Variants in ATP13A4 observed in about 807,000 individuals in gnomAD.
ATP13A4 encodes the protein probable cation-transporting ATPase 13A4.
Under a neutral mutation model 142.5 loss-of-function variants are expected in ATP13A4, and 114 were observed. That is an observed-to-expected ratio of 0.80 (90% CI 0.69 to 0.93). The LOEUF is 0.93. ATP13A4 is among the 40% of genes least tolerant of loss of function. The pLI is 0.00. For missense variants in ATP13A4, 1,392 were observed against 1,454.0 expected (o/e 0.96, Z 0.69); for synonymous variants, 488 against 514.8 (o/e 0.95, Z 0.70).
At chr3:193,589,832 G>A (rs1225078103) in intron 1 of ATP13A4, among the ~76,000 whole-genome samples, 1 of 151,998 alleles carries the variant, frequency 6.6e-6, no homozygotes, top group South Asian at 2.1e-4. Flanking sequence ...AAATATTTTC[G>A]TGGGTTAGGC....
intron 8 of ATP13A4, among the ~76,000 whole-genome samples, chr3:193,474,706 G>C (rs1718852547): frequency 7.5e-6 from 1 of 133,652 alleles, no homozygotes; most frequent in South Asian, 2.5e-4. Flanking sequence ...AAAAAGGAAG[G>C]AAGGAAAGAG....
At chr3:193,466,502 G>A (rs950840882) in intron 10 of ATP13A4, among the ~76,000 whole-genome samples, 1 of 152,222 alleles carries the variant, frequency 6.6e-6, no homozygotes, top group South Asian at 2.1e-4. Context: ...ACGTGTGCAC[G>A]CACACACATG....
intron 2 of ATP13A4, among the ~76,000 whole-genome samples, chr3:193,512,049 C>G (rs1721168404): frequency 6.6e-6 from 1 of 152,104 alleles, no homozygotes; most frequent in Admixed American, 6.6e-5. Context: ...GCCAGCACCT[C>G]AGAGAGCACG....
chr3:193,484,908 C>A (rs1719514815), intron 7 of ATP13A4, among the ~76,000 whole-genome samples: 1 of 151,882 alleles, frequency 6.6e-6, no homozygotes, highest in African/African-American at 2.4e-5. Flanking sequence ...ACTTTTGGAT[C>A]ATTTATAGCA....
intron 13 of ATP13A4, 102 bp downstream of exon 13, chr3:193,462,660 G>A: frequency 8.6e-7 from 1 of 1,157,732 alleles, no homozygotes; most frequent in Non-Finnish European, 1.3e-6. Context: ...GTCCACCAAA[G>A]CCAAAGTCCA....
intron 28 of ATP13A4, among the ~76,000 whole-genome samples, chr3:193,407,827 C>A (rs772874121): frequency 6.6e-6 from 1 of 152,206 alleles, no homozygotes; most frequent in African/African-American, 2.4e-5. Context: ...CATGTCAAAC[C>A]TTCACAACTG....
At chr3:193,484,645 T>A (rs531402357) in intron 7 of ATP13A4, among the ~76,000 whole-genome samples, 1 of 152,302 alleles carries the variant, frequency 6.6e-6, no homozygotes, top group East Asian at 1.9e-4. Context: ...GTTCTAAAAA[T>A]GATTAACAGA....
At position 193,554,672 on chromosome 3, in the gene ATP13A4, G is replaced by C; in HGVS notation, c.60+68C>G. On this transcript the variant is annotated intron_variant, in intron 1 of 29. Coordinates refer to ENST00000342695, the MANE Select transcript of ATP13A4 (RefSeq NM_032279.4). The stretch of plus-strand genomic sequence containing the variant: ...TGCGTGCGTGTGTGTGTGTGTGTGT[G>C]TGTGTGTGTGTGTGTCTCGCAGGCT... 11 of 1,463,822 alleles carry C rather than the reference G, an allele frequency of 7.5e-6. 1 individual carries two copies. The highest frequency in any genetic ancestry group is 1.1e-5 in the Non-Finnish European group (11 of 1,044,164). 90.7% of individuals were successfully genotyped at this position (1,463,822 alleles called of 1,614,324 possible).
rs1429855166 is a variant in ATP13A4, at chr3:193,440,081, G to A, written c.2519+477C>T. On this transcript the variant is annotated intron_variant, in intron 21 of 29. Coordinates refer to ENST00000342695, the MANE Select transcript of ATP13A4 (RefSeq NM_032279.4). ...TGTGTTAGAAGAGAATGATTTTTCT[G>A]ATTTAGGGTGGAAAAATGCTTTGGC... is the stretch of plus-strand genomic sequence containing the variant. 2.2e-5 allele frequency: 4 copies of A among 178,726 alleles called. No individual in the cohort carries two copies. The East Asian group carries it at 5.9e-4, about 26-fold the overall frequency. The allele number at this position is 178,726 out of a possible 1,614,324, so 11.1% of individuals were successfully genotyped here. A position where few individuals can be genotyped will look rare whatever the true frequency, so the allele number is the denominator to read the frequency against.
intron 2 of ATP13A4, among the ~76,000 whole-genome samples, chr3:193,512,596 A>T (rs1047089742): frequency 1.3e-5 from 2 of 152,176 alleles, no homozygotes; most frequent in Non-Finnish European, 2.9e-5. Flanking sequence ...GAACCTGTTA[A>T]AATGCAAATT....
At chr3:193,482,854 T>C (rs576285610) in intron 8 of ATP13A4, among the ~76,000 whole-genome samples, 3 of 152,208 alleles carry the variant, frequency 2.0e-5, no homozygotes, top group Non-Finnish European at 4.4e-5. Flanking sequence ...AAATGTTAAA[T>C]ATCTATCTAG....
At chr3:193,517,436 G>A (rs140071688) in intron 1 of ATP13A4, among the ~76,000 whole-genome samples, 39 of 152,262 alleles carry the variant, frequency 2.6e-4, no homozygotes, top group African/African-American at 8.7e-4. Flanking sequence ...GGTGTGAAGC[G>A]AATGCTTCAC....
chr3:193,461,566 G>C (rs1417308113), intron 13 of ATP13A4, among the ~76,000 whole-genome samples: 1 of 152,062 alleles, frequency 6.6e-6, no homozygotes, highest in Non-Finnish European at 1.5e-5. Context: ...TTTTAATCCA[G>C]GAATTAGACT....
At chr3:193,493,244 T>G (rs942231641) in intron 3 of ATP13A4, 84 bp from the exon 4 acceptor site, 6 of 1,182,588 alleles carry the variant, frequency 5.1e-6, no homozygotes, top group Non-Finnish European at 7.4e-6. Context: ...AGCATTTGTT[T>G]GAAAAGCAAA....
chr3:193,562,358 T>C (rs1044856402), intron 2 of ATP13A4, among the ~76,000 whole-genome samples: 2 of 152,280 alleles, frequency 1.3e-5, no homozygotes, highest in African/African-American at 4.8e-5. Context: ...TGCAAGTTGT[T>C]ATAGAATGCT....
rs116119570 is a variant in ATP13A4 at position 193,470,438 on chromosome 3, C to T, written c.943+421G>A. On this transcript the variant is annotated intron_variant, in intron 9 of 29. Transcript: ENST00000342695. ...CCAGGCCAGGAAGAATTTGGATGAC[C>T]CCTGTGGGTTTCAGGATGTCACTGA... Among the ~76,000 whole-genome samples, 1,322 of 152,174 alleles carry T rather than the reference C, an allele frequency of 8.7e-3. 27 individuals are homozygous for T. Among genetic ancestry groups the T allele is most frequent in the African/African-American group, 0.03 (1,242 of 41,506 alleles).
chr3:193,570,600 C>T (rs935278322), intron 2 of ATP13A4, among the ~76,000 whole-genome samples: 3 of 152,068 alleles, frequency 2.0e-5, no homozygotes, highest in Admixed American at 6.6e-5. Flanking sequence ...GGAATAGAGG[C>T]CTAATACCAC....
intron 3 of ATP13A4, 108 bp from the exon 4 acceptor site, chr3:193,493,268 C>T (rs1393893036): frequency 4.4e-6 from 4 of 904,510 alleles, no homozygotes; most frequent in Middle Eastern, 2.9e-4. Flanking sequence ...AAAACTCTAA[C>T]ATACTTATTT....
chr3:193,510,139 G>A (rs888676631), intron 2 of ATP13A4, among the ~76,000 whole-genome samples: 12 of 152,174 alleles, frequency 7.9e-5, no homozygotes, highest in African/African-American at 1.4e-4. Context: ...CAGAGGAGGA[G>A]CGGGGAGGAG....
Sources: allele counts gnomAD v4.1 joint callset (sites outside exome capture counted in the v4.1 genomes callset), GRCh38; gene constraint gnomAD v4.1.1; transcripts MANE v1.5; gene names NCBI Gene and HGNC (gene_info 2026-07-23, HGNC 2026-07-21).